Variants in TOMM34 observed in about 807,000 individuals in gnomAD.
TOMM34 encodes the protein mitochondrial import receptor subunit TOM34.
TOMM34 carries 24 observed loss-of-function variants against 37.4 expected under a neutral mutation model. The ratio of observed to expected loss-of-function variants is 0.64; its 90% CI spans 0.46 to 0.90. The LOEUF (loss-of-function observed/expected upper bound fraction) is 0.90, where lower values mean the gene tolerates loss of function less well. Among genes scored for constraint, TOMM34 ranks in the 40% least tolerant of loss-of-function variants. The pLI, the probability that TOMM34 is intolerant of heterozygous loss-of-function variation, is 0.00. For missense variants in TOMM34, 304 were observed against 375.6 expected (o/e 0.81, Z 1.58); for synonymous variants, 154 against 148.9 (o/e 1.03, Z -0.25).
At chr20:44,944,390 C>T (rs1458482727) in intron 5 of TOMM34, among the ~76,000 whole-genome samples, 1 of 152,202 alleles carries the variant, frequency 6.6e-6, no homozygotes, top group East Asian at 1.9e-4. Context: ...TGTTCCACCT[C>T]ACTGTTTTCA....
chr20:44,944,446 T>C (rs1490004509), intron 5 of TOMM34, among the ~76,000 whole-genome samples: 1 of 152,232 alleles, frequency 6.6e-6, no homozygotes, highest in African/African-American at 2.4e-5. Context: ...TAATTTATTT[T>C]ACCAATTTCC....
At chr20:44,957,053 G>T (rs2067080049) in intron 1 of TOMM34, among the ~76,000 whole-genome samples, 1 of 152,086 alleles carries the variant, frequency 6.6e-6, no homozygotes. Flanking sequence ...GGGTGTGATG[G>T]GAGTACAGAG....
rs2066947428 is a variant in TOMM34 at position 44,942,917 on chromosome 20, CTG to C, written c.*190_*191del. The C allele has an allele frequency of 1.6e-6, 1 of 612,236 alleles. No homozygotes were observed. The highest frequency in any genetic ancestry group is 2.0e-5 in the South Asian group (1 of 50,232). 37.9% of individuals were successfully genotyped at this position (612,236 alleles called of 1,614,324 possible). On this transcript the variant is annotated 3_prime_UTR_variant, in exon 7 of 7. Transcript: ENST00000372813. Reference sequence around the variant, plus strand: ...GACCTTTCTGGTGCAACAACCATGTCTGTGTTTGACTACACTGAGTTTAATTT... The same window carrying C: ...GACCTTTCTGGTGCAACAACCATGTCTGTTTGACTACACTGAGTTTAATTT...
chr20:44,947,849 T>C (rs921281863), intron 5 of TOMM34, among the ~76,000 whole-genome samples: 2 of 152,224 alleles, frequency 1.3e-5, no homozygotes, highest in African/African-American at 4.8e-5. Context: ...AATGTGTCTA[T>C]ATTAGATCCA....
At chr20:44,943,313 C>G in intron 6 of TOMM34, 100 bp from the exon 7 acceptor site, 2 of 1,598,034 alleles carry the variant, frequency 1.3e-6, no homozygotes, top group Non-Finnish European at 1.7e-6. Context: ...GCCCACAGGC[C>G]TGCTCTGAGT....
In TOMM34 at chr20:44,951,912, C is replaced by T. The variant is rs767367318; in HGVS notation, c.471G>A (p.Arg157=). The T allele has an allele frequency of 2.5e-5, 40 of 1,614,020 alleles. No homozygotes were observed. The highest frequency in any genetic ancestry group is 5.0e-5 in the Admixed American group (3 of 59,994). The change falls in exon 4 of 7, where the codon AGG becomes AGA. Residue 157 remains arginine (R), a synonymous_variant. Transcript: ENST00000372813. The part of the protein sequence containing the change: ...IPLVPVSAQK[R]WNSLPSENHK... ...GGTTCTCCGAAGGCAAGGAATTCCACCTCTTCTGAGCTGAAACAGGCACCA... is the reference window on the plus strand; with the variant it reads ...GGTTCTCCGAAGGCAAGGAATTCCATCTCTTCTGAGCTGAAACAGGCACCA...
Position 44,948,742 on chromosome 20 carries a change from G to A in TOMM34, c.686C>T (p.Thr229Met), listed in dbSNP as rs770249479. 7 of 1,614,014 alleles carry A rather than the reference G, an allele frequency of 4.3e-6. No individual in the cohort carries two copies. The Admixed American group carries it at 8.3e-5, about 19-fold the overall frequency. The part of the protein sequence containing the change: ...SLLCSNLESA[T>M]YSNRALCYLV... ...GTATAGGAGATACCTGTTGCTGTAC[G>A]TGGCAGATTCCAGGTTACTACACAA... Residue 229 changes from threonine (T) to methionine (M), a missense_variant, in exon 5 of 7, where the codon ACG (threonine) becomes ATG (methionine). Thr to Met is a moderately conservative substitution (Grantham distance 81). Transcript: ENST00000372813.
intron 1 of TOMM34, among the ~76,000 whole-genome samples, chr20:44,958,068 A>G (rs146029469): frequency 1.9e-4 from 29 of 151,706 alleles, no homozygotes; most frequent in African/African-American, 6.3e-4. Flanking sequence ...AGCATGTTCT[A>G]CATTTACATA....
At chr20:44,947,031 A>G (rs2066986330) in intron 5 of TOMM34, among the ~76,000 whole-genome samples, 1 of 152,242 alleles carries the variant, frequency 6.6e-6, no homozygotes, top group Non-Finnish European at 1.5e-5. Flanking sequence ...CATGAAGAAC[A>G]GTATCTAAAC....
chr20:44,955,976 C>G (rs1309458374), intron 2 of TOMM34, among the ~76,000 whole-genome samples: 1 of 151,990 alleles, frequency 6.6e-6, no homozygotes, highest in East Asian at 1.9e-4. Flanking sequence ...CATTTTTTTC[C>G]TTTCTCCTTC....
In TOMM34 at chr20:44,946,809, T is replaced by G. The variant is rs551833756; in HGVS notation, c.698+1921A>C. 3.9e-5 allele frequency among the ~76,000 whole-genome samples: 6 copies of G among 152,346 alleles called. 1 individual carries two copies. In the South Asian group the frequency reaches 1.2e-3, roughly 32 times the overall value. On this transcript the variant is annotated intron_variant, in intron 5 of 6. Transcript: ENST00000372813. ...CTGAAAGTTGTTTTGTCATTAGTCC[T>G]CTAGATTAAATTATAAATCCAATGC...
intron 5 of TOMM34, among the ~76,000 whole-genome samples, chr20:44,943,883 T>C (rs1004766885): frequency 1.3e-5 from 2 of 152,186 alleles, no homozygotes; most frequent in South Asian, 2.1e-4. Flanking sequence ...CATGCTGTAC[T>C]GCGCTCTCCT....
intron 3 of TOMM34, among the ~76,000 whole-genome samples, chr20:44,953,910 C>A (rs1470716830): frequency 6.6e-6 from 1 of 152,206 alleles, no homozygotes; most frequent in Non-Finnish European, 1.5e-5. Context: ...AAGACCTTTT[C>A]ATAAAGGCTG....
rs139282968 is a variant in TOMM34, at chr20:44,948,809, C to A, written c.619G>T (p.Gly207Ter). 2 of 1,613,992 alleles carry A rather than the reference C, an allele frequency of 1.2e-6. No individual in the cohort carries two copies. The highest frequency in any genetic ancestry group is 1.7e-6 in the Non-Finnish European group (2 of 1,180,014). ...KEEGNELVKK[G>*]NHKKAIEKYS... is the part of the protein sequence containing the mutation. The stretch of plus-strand genomic sequence containing the variant: ...TTCTCAATAGCTTTCTTATGGTTTC[C>A]CTTCTTTACAAGCTCATTGCCTTCT... The change falls in exon 5 of 7, where the codon GGA becomes TGA. Residue 207 changes from glycine to a stop codon, truncating the protein, a stop_gained. Coordinates refer to ENST00000372813, the MANE Select transcript of TOMM34 (RefSeq NM_006809.5). LOFTEE classifies it high-confidence loss of function.
intron 2 of TOMM34, 111 bp from the exon 3 acceptor site, chr20:44,955,331 T>C (rs2067062345): frequency 2.1e-6 from 3 of 1,408,626 alleles, no homozygotes; most frequent in Non-Finnish European, 2.9e-6. Context: ...GGAAGTAATT[T>C]CTGGCCGAGA....
chr20:44,945,867 T>G (rs949371653), intron 5 of TOMM34, among the ~76,000 whole-genome samples: 1 of 152,196 alleles, frequency 6.6e-6, no homozygotes, highest in Admixed American at 6.5e-5. Flanking sequence ...GAATTCCTTT[T>G]TTTTTTTGGA....
At chr20:44,953,623 T>A (rs754304375) in intron 3 of TOMM34, among the ~76,000 whole-genome samples, 19 of 152,330 alleles carry the variant, frequency 1.2e-4, no homozygotes, top group Non-Finnish European at 2.5e-4. Flanking sequence ...CCGTCCTACT[T>A]AGATCTCTAG....
chr20:44,956,277 T>G (rs1259001258), intron 2 of TOMM34, 109 bp downstream of exon 2: 2 of 1,052,410 alleles, frequency 1.9e-6, no homozygotes, highest in East Asian at 2.4e-5. Context: ...TCTTAATATC[T>G]GTCCCAGATG....
At chr20:44,943,703 C>G (rs935618252) in intron 5 of TOMM34, 124 bp from the exon 6 acceptor site, 4 of 1,383,900 alleles carry the variant, frequency 2.9e-6, no homozygotes, top group Middle Eastern at 2.6e-4. Flanking sequence ...TACTTTATGT[C>G]TTCTTAAATC....
Sources: allele counts gnomAD v4.1 joint callset (sites outside exome capture counted in the v4.1 genomes callset), GRCh38; gene constraint gnomAD v4.1.1; transcripts MANE v1.5; gene names NCBI Gene and HGNC (gene_info 2026-07-23, HGNC 2026-07-21).